MXI1: variants seen among roughly 807,000 people sequenced by gnomAD.
The protein encoded by MXI1 is max-interacting protein 1.
In MXI1, 18 loss-of-function variants were observed where a neutral mutation model predicts 36.9. The ratio of observed to expected loss-of-function variants is 0.49; its 90% CI spans 0.34 to 0.72. MXI1 has a LOEUF of 0.72. Ranked by LOEUF, MXI1 falls within the 30% of genes least tolerant of loss-of-function variation. MXI1 has a pLI of 0.01. For missense variants in MXI1, 304 were observed against 379.1 expected, an observed-to-expected ratio of 0.80 and a Z score of 1.64; for synonymous variants, 160 against 146.7, an observed-to-expected ratio of 1.09 and a Z score of -0.65.
At chr10:110,250,222 G>T (rs1856027747) in intron 3 of MXI1, among the ~76,000 whole-genome samples, 1 of 152,130 alleles carries the variant, frequency 6.6e-6, no homozygotes, top group African/African-American at 2.4e-5. Context: ...GCTCTAGATG[G>T]TTCAGAGCAT....
At chr10:110,227,778 T>C (rs1480414084) in intron 1 of MXI1, 2 of 191,214 alleles carry the variant, frequency 1.0e-5, no homozygotes, top group African/African-American at 4.7e-5. Context: ...TTCTAAGACT[T>C]GTTCGAAGTA....
intron 3 of MXI1, among the ~76,000 whole-genome samples, chr10:110,266,354 C>T (rs1161258915): frequency 6.6e-6 from 1 of 152,158 alleles, no homozygotes; most frequent in Non-Finnish European, 1.5e-5. Flanking sequence ...GTGATCCGCC[C>T]ACCTCGGCCT....
At chr10:110,220,099 T>C (rs1590330492) in intron 1 of MXI1, among the ~76,000 whole-genome samples, 2 of 152,364 alleles carry the variant, frequency 1.3e-5, no homozygotes, top group East Asian at 1.9e-4. Context: ...CCTGACGCGA[T>C]TGAACATAAC....
chr10:110,276,888 T>G (rs12263999), intron 3 of MXI1, among the ~76,000 whole-genome samples: 35,055 of 150,596 alleles, frequency 0.23, 4,854 homozygotes, highest in African/African-American at 0.39. Flanking sequence ...ACTCTGTGGC[T>G]CAGGCAGAAT....
At chr10:110,232,046 T>C (rs1855288828) in intron 2 of MXI1, among the ~76,000 whole-genome samples, 1 of 152,062 alleles carries the variant, frequency 6.6e-6, no homozygotes, top group African/African-American at 2.4e-5. Flanking sequence ...CTGCAAGCTC[T>C]GCCTTCTGGG....
intron 3 of MXI1, among the ~76,000 whole-genome samples, chr10:110,261,611 C>A (rs1020073325): frequency 6.6e-6 from 1 of 152,008 alleles, no homozygotes; most frequent in African/African-American, 2.4e-5. Context: ...AGTACCCAAT[C>A]CCACTTTTTA....
At chr10:110,256,238 C>T (rs1181693519) in intron 3 of MXI1, among the ~76,000 whole-genome samples, 2 of 152,024 alleles carry the variant, frequency 1.3e-5, no homozygotes. Flanking sequence ...TATGATGTTG[C>T]ATTAGGCATT....
At chr10:110,264,108 A>G (rs921063309) in intron 3 of MXI1, among the ~76,000 whole-genome samples, 1 of 152,156 alleles carries the variant, frequency 6.6e-6, no homozygotes, top group Non-Finnish European at 1.5e-5. Context: ...AGAGAGATAC[A>G]TATACACATC....
chr10:110,239,887 T>A (rs1855607805), intron 2 of MXI1, among the ~76,000 whole-genome samples: 1 of 152,032 alleles, frequency 6.6e-6, no homozygotes, highest in South Asian at 2.1e-4. Flanking sequence ...AGCCCCCTCC[T>A]GACTTTTCCA....
At chr10:110,228,958 G>T in intron 2 of MXI1, among the ~76,000 whole-genome samples, 1 of 152,218 alleles carries the variant, frequency 6.6e-6, no homozygotes, top group East Asian at 1.9e-4. Context: ...AGTGGCTTAC[G>T]CCTGTAATTC....
At chr10:110,225,019 ACAT>A (rs538694881) in intron 1 of MXI1, among the ~76,000 whole-genome samples, 2 of 152,174 alleles carry the variant, frequency 1.3e-5, no homozygotes, top group South Asian at 2.1e-4. Context: ...ATAAGAGAAA[ACAT>A]CATCATCGCT....
Position 110,208,005 on chromosome 10 carries a change from T to C in MXI1, c.197T>C (p.Ile66Thr), listed in dbSNP as rs150249655. 32 of 1,603,176 alleles carry C rather than the reference T, an allele frequency of 2.0e-5. No individual in the cohort carries two copies. The highest frequency in any genetic ancestry group is 2.7e-5 in the Non-Finnish European group (32 of 1,175,004). ...AGCGAGAACTCGATGGAGAAGCACATCAACACTTTTCTGCAGAACGTGCAG... is the reference window on the plus strand; with the variant it reads ...AGCGAGAACTCGATGGAGAAGCACACCAACACTTTTCTGCAGAACGTGCAG... ...NTSENSMEKH[I>T]NTFLQNVQIL... is the part of the protein sequence containing the mutation. The change falls in exon 1 of 6, where the codon ATC becomes ACC. Residue 66 changes from isoleucine to threonine, a missense_variant. This residue lies in a region of MXI1 where 179 missense variants were observed against 184.8 expected (regional missense o/e 0.97). Transcript: ENST00000332674.
chr10:110,261,283 C>A, intron 3 of MXI1: 1 of 383,166 alleles, frequency 2.6e-6, no homozygotes, highest in Non-Finnish European at 3.6e-6. Context: ...TTTTTGCTTG[C>A]AGAGTTGCTA....
chr10:110,252,037 T>C (rs1039203791), intron 3 of MXI1, among the ~76,000 whole-genome samples: 1 of 152,088 alleles, frequency 6.6e-6, no homozygotes, highest in African/African-American at 2.4e-5. Flanking sequence ...AAGTACAATC[T>C]AGTAGCTGTA....
intron 3 of MXI1, among the ~76,000 whole-genome samples, chr10:110,272,157 TG>T (rs1207629238): frequency 6.6e-6 from 1 of 152,194 alleles, no homozygotes. Context: ...AAATCTGAAA[TG>T]CTCCAAAATC....
chr10:110,226,011 G>C (rs1490345580), intron 1 of MXI1: 3 of 982,712 alleles, frequency 3.1e-6, no homozygotes, highest in Non-Finnish European at 3.6e-6. Context: ...AACCACGCGC[G>C]GGCTGCCCGC....
intron 1 of MXI1, among the ~76,000 whole-genome samples, chr10:110,221,531 A>C (rs181384396): frequency 1.7e-3 from 261 of 152,354 alleles, no homozygotes; most frequent in Non-Finnish European, 2.1e-3. Context: ...TGCAATGCAG[A>C]TGTCTTCTTG....
chr10:110,239,196 C>T (rs1855577437), intron 2 of MXI1, among the ~76,000 whole-genome samples: 1 of 152,188 alleles, frequency 6.6e-6, no homozygotes, highest in Admixed American at 6.6e-5. Context: ...CCTAGCATCT[C>T]CTCACAAAAT....
At chr10:110,209,237 A>G (rs1003854503) in intron 1 of MXI1, among the ~76,000 whole-genome samples, 15 of 152,294 alleles carry the variant, frequency 9.8e-5, no homozygotes, top group Admixed American at 2.6e-4. Context: ...CTAGGCAGAC[A>G]GACCGACAGA....
Sources: gnomAD v4.1 joint callset for allele counts (sites outside exome capture counted in the v4.1 genomes callset) on GRCh38, gnomAD v4.1.1 for gene constraint, gnomAD v4.1.1 regional missense constraint, MANE v1.5 for transcripts, NCBI Gene and HGNC (gene_info 2026-07-23, HGNC 2026-07-21) for gene names.